The following DYNC2H1 variants were observed in gnomAD, a reference collection of about 807,000 sequenced individuals.
DYNC2H1 encodes cytoplasmic dynein 2 heavy chain 1.
A neutral mutation model predicts 570.0 loss-of-function variants in DYNC2H1; 410 were observed. The ratio of observed to expected loss-of-function variants is 0.72; its 90% CI spans 0.66 to 0.78. The LOEUF is 0.78. Ranked by LOEUF, DYNC2H1 falls within the 30% of genes least tolerant of loss-of-function variation. The pLI is 0.00. For synonymous variants in DYNC2H1, 1,688 were observed against 1,677.6 expected, an observed-to-expected ratio of 1.01 and a Z score of -0.15; for missense variants, 4,865 against 5,046.4, an observed-to-expected ratio of 0.96 and a Z score of 1.09.
chr11:103,251,905 A>G (rs760872316), intron 65 of DYNC2H1, among the ~76,000 whole-genome samples: 3 of 151,956 alleles, frequency 2.0e-5, no homozygotes, highest in East Asian at 1.9e-4. Flanking sequence ...GTGTATACAC[A>G]TCATGTTTTC....
Position 103,219,107 on chromosome 11 carries a change from C to T in DYNC2H1, c.8833-808C>T, listed in dbSNP as rs533340490. On this transcript the variant is annotated intron_variant, in intron 55 of 88. Coordinates refer to ENST00000375735, the MANE Select transcript of DYNC2H1 (RefSeq NM_001377.3). ...TGATTGTTTAAGAAATTATGCATTT[C>T]AGGATCTGGGCATGGCAATACATGC... Among the ~76,000 whole-genome samples, 7 of 152,212 alleles carry T rather than the reference C, an allele frequency of 4.6e-5. No individual in the cohort carries two copies. In the East Asian group the frequency reaches 9.6e-4, roughly 21 times the overall value.
At chr11:103,142,365 A>T (rs1859993944) in intron 17 of DYNC2H1, among the ~76,000 whole-genome samples, 1 of 152,046 alleles carries the variant, frequency 6.6e-6, no homozygotes, top group Non-Finnish European at 1.5e-5. Context: ...TTTATTTTTT[A>T]AAATAGTTGT....
In DYNC2H1 at chr11:103,148,498, C is replaced by T. The variant is rs779755503; in HGVS notation, c.2827C>T (p.His943Tyr). 1.9e-6 allele frequency: 3 copies of T among 1,559,398 alleles called. No individual in the cohort carries two copies. Among genetic ancestry groups the T allele is most frequent in the Non-Finnish European group, 2.6e-6 (3 of 1,150,524 alleles). ...TCAATGTTACCACTCAGCTCATTTA[C>T]ATGAAATTGATACATTTGTTACTGA... is the stretch of plus-strand genomic sequence containing the variant. ...SLKKSIQAHL[H>Y]EIDTFVTEAM... is the part of the protein sequence containing the mutation. The change falls in exon 20 of 89, where the codon CAT (histidine) becomes TAT (tyrosine). Residue 943 changes from histidine (H) to tyrosine (Y), a missense_variant. By Grantham distance (83) the His-to-Tyr change is moderately conservative. Coordinates refer to ENST00000375735, the MANE Select transcript of DYNC2H1 (RefSeq NM_001377.3).
chr11:103,242,626 T>G (rs903961952), intron 63 of DYNC2H1, among the ~76,000 whole-genome samples: 2 of 152,228 alleles, frequency 1.3e-5, no homozygotes, highest in Admixed American at 1.3e-4. Flanking sequence ...TAAATGACTT[T>G]TAAATTTATC....
chr11:103,187,390 C>T lies in DYNC2H1; in HGVS notation c.6944C>T (p.Thr2315Ile), dbSNP rs750459099. Reference protein sequence around the residue: ...FSQLRSTQIATVHCSAQTTSR... With the variant: ...FSQLRSTQIAIVHCSAQTTSR... ...CAACTCCGGTCCACTCAAATTGCTA[C>T]AGTTCACTGTAGTGCACAAACCACT... is the stretch of plus-strand genomic sequence containing the variant. The change falls in exon 43 of 89, where the codon ACA (threonine) becomes ATA (isoleucine). Residue 2315 changes from threonine (T) to isoleucine (I), a missense_variant. This residue lies in a region of DYNC2H1 where 2,401 missense variants were observed against 2,454.6 expected (regional missense o/e 0.98). Transcript: ENST00000375735. 13 of 1,613,090 alleles carry T rather than the reference C, an allele frequency of 8.1e-6. No homozygotes were observed. In the South Asian group the frequency reaches 1.1e-4, roughly 14 times the overall value.
At position 103,125,208 on chromosome 11, in the gene DYNC2H1, T is replaced by C; in HGVS notation, c.1770T>C (p.Ser590=). 1.1e-5 allele frequency: 18 copies of C among 1,613,612 alleles called. No homozygotes were observed. Among genetic ancestry groups the C allele is most frequent in the Non-Finnish European group, 1.4e-5 (16 of 1,179,724 alleles). ...VILLREVRQL[S]ALGFVIPAKI... The stretch of plus-strand genomic sequence containing the variant: ...TTCTGAGAGAAGTTCGTCAGCTCTC[T>C]GCACTTGGCTTTGTTATTCCTGCCA... Residue 590 remains serine, a synonymous_variant, in exon 12 of 89, where the codon TCT becomes TCC. Transcript: ENST00000375735.
At chr11:103,454,718 A>T (rs1215518212) in intron 85 of DYNC2H1, among the ~76,000 whole-genome samples, 3 of 152,200 alleles carry the variant, frequency 2.0e-5, no homozygotes, top group African/African-American at 7.2e-5. Context: ...TTGATTATTT[A>T]AAAACACCTT....
At chr11:103,155,146 G>A (rs899511359) in intron 24 of DYNC2H1, among the ~76,000 whole-genome samples, 185 bp from the exon 25 acceptor site, 2 of 151,782 alleles carry the variant, frequency 1.3e-5, no homozygotes, top group African/African-American at 4.8e-5. Context: ...TGTGTCCATG[G>A]CAACATTTAA....
chr11:103,251,953 C>T (rs1365815864), intron 65 of DYNC2H1, among the ~76,000 whole-genome samples: 1 of 151,488 alleles, frequency 6.6e-6, no homozygotes, highest in Non-Finnish European at 1.5e-5. Context: ...CAGGGTCTGA[C>T]TCTGTTGCCC....
chr11:103,170,810 G>T lies in DYNC2H1; in HGVS notation c.5152-76G>T. On this transcript the variant is annotated intron_variant, in intron 33 of 88. Coordinates refer to ENST00000375735, the MANE Select transcript of DYNC2H1 (RefSeq NM_001377.3). The surrounding 1 kb of genome is among the most constrained non-coding windows in gnomAD (Gnocchi z 4.8). ...GGATAAATTATCACCTTATCAATAA[G>T]TAACATTAAATATTAAGTAGTTATG... 8.0e-7 allele frequency: 1 copy of T among 1,249,596 alleles called. No homozygotes were observed. 77.4% of individuals were successfully genotyped at this position (1,249,596 alleles called of 1,614,324 possible).
At chr11:103,134,488 G>T (rs1489833102) in intron 15 of DYNC2H1, 69 bp downstream of exon 15, 3 of 1,228,172 alleles carry the variant, frequency 2.4e-6, no homozygotes, top group African/African-American at 1.5e-5. Context: ...TACAATATAT[G>T]AATTGCCGAG....
At chr11:103,391,289 TG>T (rs1291395445) in intron 83 of DYNC2H1, among the ~76,000 whole-genome samples, 4 of 152,362 alleles carry the variant, frequency 2.6e-5, no homozygotes, top group Non-Finnish European at 5.9e-5. Context: ...TTGATTGAAT[TG>T]GCTACTGAAG....
chr11:103,385,167 TA>T lies in DYNC2H1; in HGVS notation c.12157-14490del, dbSNP rs928786718. 1.8e-3 allele frequency among the ~76,000 whole-genome samples: 275 copies of T among 152,236 alleles called. 1 individual carries two copies. The highest frequency in any genetic ancestry group is 6.3e-3 in the African/African-American group (263 of 41,562). ...TCTTTTTCTCTTTAATTCATTTTTT[TA>T]AAAAATTGGGTAAGATTTAATGGGC... On this transcript the variant is annotated intron_variant, in intron 83 of 88. Coordinates refer to ENST00000375735, the MANE Select transcript of DYNC2H1 (RefSeq NM_001377.3).
intron 71 of DYNC2H1, 33 bp from the exon 72 acceptor site, chr11:103,282,146 A>G (rs1453666074): frequency 6.3e-7 from 1 of 1,591,130 alleles, no homozygotes; most frequent in African/African-American, 1.4e-5. Context: ...TATCATTTTT[A>G]TATTTTTGTG....
intron 84 of DYNC2H1, among the ~76,000 whole-genome samples, chr11:103,412,190 G>A (rs1001845789): frequency 1.3e-5 from 2 of 152,034 alleles, no homozygotes; most frequent in Admixed American, 1.3e-4. Flanking sequence ...GACAAGTTAT[G>A]TATGATGCCA....
intron 73 of DYNC2H1, among the ~76,000 whole-genome samples, chr11:103,283,849 G>C (rs184024448): frequency 2.6e-5 from 4 of 151,616 alleles, no homozygotes; most frequent in African/African-American, 9.7e-5. Flanking sequence ...ATGAAAAAAA[G>C]GGGGGGGAAT....
At chr11:103,382,867 C>T (rs1227149091) in intron 83 of DYNC2H1, among the ~76,000 whole-genome samples, 1 of 152,204 alleles carries the variant, frequency 6.6e-6, no homozygotes, top group South Asian at 2.1e-4. Context: ...CTAGGTATTT[C>T]AATGGATAAT....
At chr11:103,314,699 T>TA (rs1245000337) in intron 79 of DYNC2H1, among the ~76,000 whole-genome samples, 1 of 151,922 alleles carries the variant, frequency 6.6e-6, no homozygotes, top group Non-Finnish European at 1.5e-5. Context: ...GTTGTTGTCA[T>TA]AAAAATCATA....
chr11:103,170,737 A>T lies in DYNC2H1; in HGVS notation c.5152-149A>T, dbSNP rs1591354435. Reference sequence around the variant, plus strand: ...TTGAAATCAACCTGGGTTTTGAAAGAGTAGCTACTTAATCCGTATTTTAAA... The same window carrying T: ...TTGAAATCAACCTGGGTTTTGAAAGTGTAGCTACTTAATCCGTATTTTAAA... On this transcript the variant is annotated intron_variant, in intron 33 of 88. Transcript: ENST00000375735. This position sits in a 1 kb window ranked among gnomAD's most constrained non-coding sequence, Gnocchi z 4.8. The T allele has an allele frequency of 1.4e-6, 1 of 715,202 alleles. No homozygotes were observed. The highest frequency in any genetic ancestry group is 3.3e-5 in the East Asian group (1 of 30,766). 44.3% of individuals were successfully genotyped at this position (715,202 alleles called of 1,614,324 possible).
Sources: allele counts gnomAD v4.1 joint callset (sites outside exome capture counted in the v4.1 genomes callset), GRCh38; gene constraint gnomAD v4.1.1; regional missense constraint gnomAD v4.1.1; non-coding constraint Gnocchi (gnomAD v3.1); transcripts MANE v1.5; gene names NCBI Gene and HGNC (gene_info 2026-07-23, HGNC 2026-07-21).